The following PIBF1 variants were observed in gnomAD, a reference collection of about 807,000 sequenced individuals.
PIBF1 encodes the protein progesterone-induced-blocking factor 1.
Under a neutral mutation model 112.5 loss-of-function variants are expected in PIBF1, and 90 were observed. That is an observed-to-expected ratio of 0.80 (90% confidence interval 0.67 to 0.95). PIBF1 has a LOEUF of 0.95. Among genes scored for constraint, PIBF1 ranks in the 40% least tolerant of loss-of-function variants. The pLI is 0.00. For synonymous variants in PIBF1, 301 were observed against 288.6 expected, an observed-to-expected ratio of 1.04 and a Z score of -0.44; for missense variants, 915 against 852.3, an observed-to-expected ratio of 1.07 and a Z score of -0.92.
chr13:72,919,027 T>A (rs1261994875), intron 13 of PIBF1, among the ~76,000 whole-genome samples: 1 of 152,144 alleles, frequency 6.6e-6, no homozygotes, highest in Non-Finnish European at 1.5e-5. Flanking sequence ...TCTTGTTTAT[T>A]TTTCACTTTC....
At chr13:72,944,831 A>G (rs1417040001) in intron 14 of PIBF1, among the ~76,000 whole-genome samples, 3 of 152,074 alleles carry the variant, frequency 2.0e-5, no homozygotes, top group African/African-American at 7.2e-5. Flanking sequence ...CAGTGGCATA[A>G]TCTCGGTTCA....
intron 16 of PIBF1, among the ~76,000 whole-genome samples, chr13:72,981,259 A>G (rs1418261152): frequency 2.7e-5 from 4 of 150,942 alleles, no homozygotes; most frequent in Non-Finnish European, 5.9e-5. Flanking sequence ...CTCAAAAAAA[A>G]TAAAATAAAA....
intron 14 of PIBF1, among the ~76,000 whole-genome samples, chr13:72,944,217 C>T (rs1263360274): frequency 1.3e-5 from 2 of 151,966 alleles, no homozygotes; most frequent in Non-Finnish European, 1.5e-5. Flanking sequence ...GAGGCTGAGG[C>T]GGGGTGATCA....
intron 14 of PIBF1, among the ~76,000 whole-genome samples, chr13:72,944,017 G>A (rs967321203): frequency 6.6e-6 from 1 of 152,016 alleles, no homozygotes; most frequent in African/African-American, 2.4e-5. Context: ...TCTTATTTCT[G>A]TTCTAGAGTT....
Position 72,908,672 on chromosome 13 carries a change from A to T in PIBF1, c.1630A>T (p.Thr544Ser). ...AGAGCTTGATGAAATAATAATGCAAACTGCAGAAAGTAAGTCTTCCCCCAC... is the reference window on the plus strand; with the variant it reads ...AGAGCTTGATGAAATAATAATGCAATCTGCAGAAAGTAAGTCTTCCCCCAC... ...EKELDEIIMQ[T>S]AEIENEDEAE... The change falls in exon 12 of 18, where the codon ACT (threonine) becomes TCT (serine). Residue 544 changes from threonine (T) to serine (S), a missense_variant. Thr to Ser is a moderately conservative substitution (Grantham distance 58). Transcript: ENST00000326291. The T allele has an allele frequency of 1.2e-6, 2 of 1,612,118 alleles. No individual in the cohort carries two copies. The highest frequency in any genetic ancestry group is 1.7e-6 in the Non-Finnish European group (2 of 1,179,224).
chr13:72,979,756 A>G (rs1028026335), intron 16 of PIBF1, among the ~76,000 whole-genome samples: 3 of 152,018 alleles, frequency 2.0e-5, no homozygotes, highest in Non-Finnish European at 2.9e-5. Context: ...ACCTGTCCCT[A>G]CTAAAAATAG....
intron 5 of PIBF1, among the ~76,000 whole-genome samples, chr13:72,804,973 C>A (rs1164561506): frequency 6.6e-6 from 1 of 151,976 alleles, no homozygotes. Context: ...CATAAAGTTA[C>A]TAAATTTTTT....
At chr13:72,990,064 A>G (rs1318810873) in intron 16 of PIBF1, among the ~76,000 whole-genome samples, 5 of 151,830 alleles carry the variant, frequency 3.3e-5, no homozygotes, top group Admixed American at 2.6e-4. Context: ...AAATATAAAA[A>G]TTAGCTGGGC....
chr13:72,998,769 T>C, intron 16 of PIBF1, 53 bp from the exon 17 acceptor site: 1 of 1,208,412 alleles, frequency 8.3e-7, no homozygotes, highest in Non-Finnish European at 1.2e-6. Context: ...TCATTATTAG[T>C]CTGCTTGCTA....
chr13:72,983,186 G>T (rs868039836), intron 16 of PIBF1, among the ~76,000 whole-genome samples: 1 of 152,046 alleles, frequency 6.6e-6, no homozygotes, highest in African/African-American at 2.4e-5. Flanking sequence ...TGTAGTACCA[G>T]CTACTCGGTT....
At chr13:72,791,300 C>T (rs1006700062) in intron 2 of PIBF1, among the ~76,000 whole-genome samples, 2 of 152,114 alleles carry the variant, frequency 1.3e-5, no homozygotes, top group African/African-American at 4.8e-5. Context: ...GTGATACACC[C>T]GCCTCATCCT....
chr13:72,864,461 A>T (rs547333648), intron 10 of PIBF1, among the ~76,000 whole-genome samples: 1 of 152,196 alleles, frequency 6.6e-6, no homozygotes, highest in Admixed American at 6.5e-5. Flanking sequence ...ATTTTTTAGG[A>T]TGTTTCTTAG....
At chr13:72,953,896 T>A (rs1258633844) in intron 14 of PIBF1, among the ~76,000 whole-genome samples, 1 of 152,076 alleles carries the variant, frequency 6.6e-6, no homozygotes, top group East Asian at 1.9e-4. Context: ...TGGGCGGGGC[T>A]ATGGAGCCTC....
At chr13:72,846,777 A>C (rs891041742) in intron 9 of PIBF1, among the ~76,000 whole-genome samples, 2 of 152,180 alleles carry the variant, frequency 1.3e-5, no homozygotes, top group Non-Finnish European at 2.9e-5. Flanking sequence ...ATCTATCAAC[A>C]TACTACATAT....
chr13:72,832,225 G>T (rs1389914850), intron 8 of PIBF1, among the ~76,000 whole-genome samples: 1 of 151,588 alleles, frequency 6.6e-6, no homozygotes, highest in Non-Finnish European at 1.5e-5. Flanking sequence ...CATCCGATTT[G>T]CCAGTCTGTC....
intron 12 of PIBF1, among the ~76,000 whole-genome samples, chr13:72,912,000 AGAAG>A (rs1475976766): frequency 2.0e-5 from 3 of 151,942 alleles, no homozygotes; most frequent in East Asian, 1.9e-4. Context: ...AAGGAAGGGA[AGAAG>A]GAAGGAAGGA....
intron 14 of PIBF1, among the ~76,000 whole-genome samples, chr13:72,936,032 A>G (rs988617189): frequency 6.8e-6 from 1 of 146,256 alleles, no homozygotes; most frequent in Admixed American, 6.9e-5. Context: ...TTATTTATTT[A>G]TTATTTATTT....
At chr13:72,927,568 G>T (rs909550612) in intron 13 of PIBF1, among the ~76,000 whole-genome samples, 1 of 152,080 alleles carries the variant, frequency 6.6e-6, no homozygotes, top group Admixed American at 6.6e-5. Flanking sequence ...CGTGTTTTTA[G>T]TAGAGGTGGG....
At chr13:72,801,066 GA>G in intron 5 of PIBF1, among the ~76,000 whole-genome samples, 1 of 152,318 alleles carries the variant, frequency 6.6e-6, no homozygotes, top group Non-Finnish European at 1.5e-5. Flanking sequence ...GAACAGTGAG[GA>G]GGGCAATATG....
Sources: allele counts gnomAD v4.1 joint callset (sites outside exome capture counted in the v4.1 genomes callset), GRCh38; gene constraint gnomAD v4.1.1; transcripts MANE v1.5; gene names NCBI Gene and HGNC (gene_info 2026-07-23, HGNC 2026-07-21).